The following L3HYPDH variants were observed in gnomAD, a reference collection of about 807,000 sequenced individuals.
The protein encoded by L3HYPDH is trans-L-3-hydroxyproline dehydratase.
In L3HYPDH, 32 loss-of-function variants were observed where a neutral mutation model predicts 26.5. The observed-to-expected ratio is 1.21, with a 90% CI of 0.91 to 1.62. L3HYPDH has a LOEUF of 1.62. L3HYPDH is among the 40% of genes most tolerant of loss of function. The pLI, the probability that L3HYPDH is intolerant of heterozygous loss-of-function variation, is 0.00. For synonymous variants in L3HYPDH, 215 were observed against 196.6 expected, an observed-to-expected ratio of 1.09 and a Z score of -0.78; for missense variants, 554 against 476.4, an observed-to-expected ratio of 1.16 and a Z score of -1.52.
the L3HYPDH span, among the ~76,000 whole-genome samples, chr14:59,490,289 G>A: frequency 6.6e-6 from 1 of 152,162 alleles, no homozygotes; most frequent in Non-Finnish European, 1.5e-5. Context: ...ATTACTGTGA[G>A]CACAGCTCCA....
intron 1 of L3HYPDH, among the ~76,000 whole-genome samples, chr14:59,482,129 G>A (rs1890070005): frequency 6.6e-6 from 1 of 152,166 alleles, no homozygotes; most frequent in African/African-American, 2.4e-5. Flanking sequence ...GCCTGGTGGG[G>A]TGGAGATGAA....
intron 1 of L3HYPDH, 60 bp downstream of exon 1, chr14:59,483,749 T>C (rs1378165281): frequency 6.4e-7 from 1 of 1,559,090 alleles, no homozygotes; most frequent in East Asian, 2.3e-5. Context: ...AAACCGTTAA[T>C]GTAGTTAGTC....
chr14:59,502,755 T>TGTTTTTTTTTTTTGTTTTTG, the L3HYPDH span, among the ~76,000 whole-genome samples: 5 of 122,918 alleles, frequency 4.1e-5, no homozygotes, highest in African/African-American at 1.2e-4. Context: ...ATGAGATTTT[T>TGTTTTTTTTTTTTGTTTTTG]TTTTTTTTTT....
At position 59,475,924 on chromosome 14, in the gene L3HYPDH, A is replaced by G. The variant is rs746978380; in HGVS notation, c.884T>C (p.Met295Thr). The change falls in exon 4 of 5, where the codon ATG (methionine) becomes ACG (threonine). Residue 295 changes from methionine to threonine, a missense_variant. By Grantham distance (81) the Met-to-Thr change is moderately conservative. Transcript: ENST00000247194. ...AGTTGCACTGCTTTTGAAGGCTCTC[A>G]TCTGGTTCAGTTCCAGAAGCCCTTT... is the stretch of plus-strand genomic sequence containing the variant. Reference protein sequence around the residue: ...YHKGLLELNQMRAFKSSATGS... With the variant: ...YHKGLLELNQTRAFKSSATGS... The G allele has an allele frequency of 2.5e-6, 4 of 1,613,844 alleles. No homozygotes were observed. The highest frequency in any genetic ancestry group is 2.2e-5 in the South Asian group (2 of 91,070).
chr14:59,466,053 C>G (rs985902179), intron 1 of L3HYPDH, among the ~76,000 whole-genome samples: 5 of 152,170 alleles, frequency 3.3e-5, no homozygotes, highest in African/African-American at 1.2e-4. Flanking sequence ...GCCCATGACT[C>G]TAAACCCCGT....
upstream of L3HYPDH, chr14:59,485,207 T>C (rs1044791885): frequency 7.1e-7 from 1 of 1,400,016 alleles, no homozygotes; most frequent in Non-Finnish European, 9.8e-7. Context: ...GATATTCACG[T>C]GTATTTATTA....
chr14:59,497,101 GTATA>G, the L3HYPDH span, among the ~76,000 whole-genome samples: 2 of 150,520 alleles, frequency 1.3e-5, no homozygotes, highest in East Asian at 1.9e-4. Flanking sequence ...TTTTCCCAAT[GTATA>G]TATAGCCTAG....
intron 1 of L3HYPDH, chr14:59,483,520 A>T: frequency 7.4e-7 from 1 of 1,350,916 alleles, no homozygotes; most frequent in Non-Finnish European, 9.5e-7. Flanking sequence ...AATCTCTAGG[A>T]ATGCCTCACC....
upstream of L3HYPDH, chr14:59,485,252 T>G (rs1182138064): frequency 3.4e-5 from 28 of 834,424 alleles, no homozygotes; most frequent in South Asian, 9.8e-5. Context: ...TACAGAAGTT[T>G]CCAATTCCTT....
chr14:59,500,251 A>G, the L3HYPDH span, among the ~76,000 whole-genome samples: 1 of 152,232 alleles, frequency 6.6e-6, no homozygotes, highest in Non-Finnish European at 1.5e-5. Flanking sequence ...AGTTGGAATC[A>G]GGCCTGTATA....
chr14:59,497,901 G>C, the L3HYPDH span, among the ~76,000 whole-genome samples: 5 of 152,194 alleles, frequency 3.3e-5, no homozygotes, highest in Non-Finnish European at 7.3e-5. Context: ...TGTATAGGGA[G>C]AGGGTTTGAG....
At chr14:59,482,351 T>C (rs1890080670) in intron 1 of L3HYPDH, among the ~76,000 whole-genome samples, 1 of 152,214 alleles carries the variant, frequency 6.6e-6, no homozygotes, top group African/African-American at 2.4e-5. Flanking sequence ...CTAATCATTG[T>C]ACTGTCATAC....
upstream of L3HYPDH, chr14:59,484,522 C>G (rs980050821): frequency 8.4e-6 from 13 of 1,548,766 alleles, no homozygotes; most frequent in Non-Finnish European, 1.0e-5. Context: ...TCGCTGTGGC[C>G]CGGATGTTCG....
chr14:59,471,016 AC>A (rs1315556112), downstream of L3HYPDH, among the ~76,000 whole-genome samples: 2 of 150,600 alleles, frequency 1.3e-5, no homozygotes, highest in East Asian at 3.9e-4. Context: ...ATGAGGCAAG[AC>A]CCTCACTGAG....
chr14:59,479,901 G>A (rs1889893498), intron 1 of L3HYPDH, among the ~76,000 whole-genome samples: 1 of 152,184 alleles, frequency 6.6e-6, no homozygotes, highest in African/African-American at 2.4e-5. Context: ...AAATGCCATT[G>A]TAGAATCATT....
the L3HYPDH span, chr14:59,505,223 C>A: frequency 7.3e-7 from 1 of 1,364,080 alleles, no homozygotes. Flanking sequence ...GAATTCACAG[C>A]AGTTGTATCC....
downstream of L3HYPDH, among the ~76,000 whole-genome samples, chr14:59,470,230 GC>G (rs1211203599): frequency 1.3e-5 from 2 of 152,034 alleles, no homozygotes; most frequent in East Asian, 3.9e-4. Flanking sequence ...ATTAAAATAG[GC>G]TCATCCAAAA....
In L3HYPDH at chr14:59,472,821, T is replaced by C; in HGVS notation, c.*144A>G. 2 of 630,826 alleles carry C rather than the reference T, an allele frequency of 3.2e-6. No homozygotes were observed. Among genetic ancestry groups the C allele is most frequent in the East Asian group, 3.3e-5 (1 of 30,090 alleles). The allele number at this position is 630,826 out of a possible 1,614,324, so 39.1% of individuals were successfully genotyped here. Reference sequence around the variant, plus strand: ...TTGCAAATACGAGGTATAATGACTTTATATTTAGCCACAGGGTAGTATTTT... The same window carrying C: ...TTGCAAATACGAGGTATAATGACTTCATATTTAGCCACAGGGTAGTATTTT... On this transcript the variant is annotated 3_prime_UTR_variant, in exon 5 of 5. Transcript: ENST00000247194.
At position 59,473,108 on chromosome 14, in the gene L3HYPDH, G is replaced by C. The variant is rs1889379155; in HGVS notation, c.940-18C>G. 6.4e-7 allele frequency: 1 copy of C among 1,574,784 alleles called. No homozygotes were observed. Among genetic ancestry groups the C allele is most frequent in the African/African-American group, 1.4e-5 (1 of 72,006 alleles). On this transcript the variant is annotated intron_variant, in intron 4 of 4. Coordinates refer to ENST00000247194, the MANE Select transcript of L3HYPDH (RefSeq NM_144581.2). ...TTCGCTTCCTGAAAAAAGATGAAGG[G>C]AGTATACTATCAAAATATTGCACTC...
Sources: gnomAD v4.1 joint callset for allele counts (sites outside exome capture counted in the v4.1 genomes callset) on GRCh38, gnomAD v4.1.1 for gene constraint, MANE v1.5 for transcripts, NCBI Gene and HGNC (gene_info 2026-07-23, HGNC 2026-07-21) for gene names.